IL7: variants seen among roughly 807,000 people sequenced by gnomAD.
IL7 encodes interleukin-7.
IL7 carries 3 observed loss-of-function variants against 21.6 expected under a neutral mutation model. The observed-to-expected ratio is 0.14, with a 90% CI of 0.06 to 0.36. The LOEUF (loss-of-function observed/expected upper bound fraction) is 0.36. Among genes scored for constraint, IL7 ranks in the 10% least tolerant of loss-of-function variants. The pLI is 1.00. For missense variants in IL7, 175 were observed against 200.2 expected, an observed-to-expected ratio of 0.87 and a Z score of 0.76; for synonymous variants, 62 against 68.1, an observed-to-expected ratio of 0.91 and a Z score of 0.44.
At chr8:78,779,866 G>A (rs970610290) in intron 2 of IL7, among the ~76,000 whole-genome samples, 4 of 151,898 alleles carry the variant, frequency 2.6e-5, no homozygotes, top group East Asian at 1.9e-4. Flanking sequence ...CTGTCTGGTC[G>A]CGGGTTTTCT....
At chr8:78,750,391 T>C (rs1309355970) in intron 2 of IL7, among the ~76,000 whole-genome samples, 3 of 151,614 alleles carry the variant, frequency 2.0e-5, no homozygotes, top group Non-Finnish European at 4.4e-5. Context: ...CTCAGAACAT[T>C]ATAATCAGCT....
chr8:78,730,539 C>T (rs1026767141), downstream of IL7, among the ~76,000 whole-genome samples: 1 of 151,874 alleles, frequency 6.6e-6, no homozygotes, highest in African/African-American at 2.4e-5. Flanking sequence ...TTTGAGTACA[C>T]AAAGTTGGGC....
chr8:78,785,316 T>C (rs1282567253), intron 2 of IL7, among the ~76,000 whole-genome samples: 1 of 152,216 alleles, frequency 6.6e-6, no homozygotes, highest in Admixed American at 6.5e-5. Context: ...CAATTATTCA[T>C]AAAATGGATC....
chr8:78,740,058 T>G lies in IL7; in HGVS notation c.172A>C (p.Asn58His), dbSNP rs1203931873. Residue 58 changes from asparagine to histidine, a missense_variant, in exon 3 of 6, where the codon AAT (asparagine) becomes CAT (histidine). Physicochemically the swap from Asn to His is moderately conservative, Grantham distance 68. Transcript: ENST00000263851. Reference protein sequence around the residue: ...LLDSMKEIGSNCLNNEFNFFK... With the variant: ...LLDSMKEIGSHCLNNEFNFFK... ...AAGTTAAATTCATTATTCAGGCAAT[T>G]GCTACCAATTTCTTTCATGCTGTCC... 4 of 1,532,300 alleles carry G rather than the reference T, an allele frequency of 2.6e-6. No homozygotes were observed. In the African/African-American group the frequency reaches 5.7e-5, roughly 22 times the overall value. 94.9% of individuals were successfully genotyped at this position (1,532,300 alleles called of 1,614,324 possible).
chr8:78,756,061 C>CT (rs1301646471), intron 2 of IL7, among the ~76,000 whole-genome samples: 3 of 151,806 alleles, frequency 2.0e-5, no homozygotes, highest in African/African-American at 7.2e-5. Context: ...ATATCAAATG[C>CT]TTTTTTTCTG....
intron 3 of IL7, 54 bp from the exon 4 acceptor site, chr8:78,738,689 T>A (rs1465535521): frequency 1.4e-5 from 22 of 1,549,138 alleles, no homozygotes. Context: ...ATTAAGAAAT[T>A]ATAAGCTTTC....
chr8:78,755,694 C>A (rs192578423), intron 2 of IL7, among the ~76,000 whole-genome samples: 1 of 152,140 alleles, frequency 6.6e-6, no homozygotes, highest in African/African-American at 2.4e-5. Flanking sequence ...TATCTGGCAA[C>A]TTTACTGAAT....
At chr8:78,734,744 TCTCTC>T (rs1187129342) in intron 5 of IL7, among the ~76,000 whole-genome samples, 1 of 152,190 alleles carries the variant, frequency 6.6e-6, no homozygotes, top group Non-Finnish European at 1.5e-5. Context: ...TATTGGGTAT[TCTCTC>T]AGTCATATAT....
At chr8:78,750,038 A>G (rs1812113374) in intron 2 of IL7, among the ~76,000 whole-genome samples, 1 of 152,150 alleles carries the variant, frequency 6.6e-6, no homozygotes, top group Non-Finnish European at 1.5e-5. Flanking sequence ...GTCTCAAAAA[A>G]AAAATACTAA....
At chr8:78,751,109 T>TA (rs1486329333) in intron 2 of IL7, among the ~76,000 whole-genome samples, 1 of 139,380 alleles carries the variant, frequency 7.2e-6, no homozygotes, top group African/African-American at 2.7e-5. Flanking sequence ...AAAAAACTGA[T>TA]AAAAAAGAAC....
intron 2 of IL7, among the ~76,000 whole-genome samples, chr8:78,752,249 T>C (rs1474233903): frequency 6.6e-6 from 1 of 152,208 alleles, no homozygotes; most frequent in African/African-American, 2.4e-5. Flanking sequence ...GTTACAGGTG[T>C]CCCTTTAATA....
At chr8:78,738,475 T>G in intron 4 of IL7, 29 bp downstream of exon 4, 1 of 1,588,336 alleles carries the variant, frequency 6.3e-7, no homozygotes, top group South Asian at 1.1e-5. Flanking sequence ...TTTAATATTT[T>G]TATTCAAAGT....
chr8:78,761,737 A>G, intron 2 of IL7: 2 of 1,611,982 alleles, frequency 1.2e-6, no homozygotes, highest in Middle Eastern at 2.3e-4. Context: ...GTGTTTTTGA[A>G]CAAAACAACG....
chr8:78,760,627 T>C lies in IL7; in HGVS notation c.148-20545A>G, dbSNP rs564231038. The C allele has an allele frequency of 7.6e-6, 12 of 1,576,268 alleles. No homozygotes were observed. The South Asian group carries it at 1.4e-4, about 18-fold the overall frequency. On this transcript the variant is annotated intron_variant, in intron 2 of 5. Coordinates refer to ENST00000263851, the MANE Select transcript of IL7 (RefSeq NM_000880.4). ...GTACCAGAGATAAGCATTTAAGAGC[T>C]TTGAGGTGCTGTTCTGAGAATATAT...
chr8:78,744,773 A>G (rs1408616096), intron 2 of IL7, among the ~76,000 whole-genome samples: 17 of 152,166 alleles, frequency 1.1e-4, no homozygotes, highest in Non-Finnish European at 1.5e-4. Context: ...AGACTCCCGT[A>G]TCTCTGTGTA....
In IL7 at chr8:78,733,821, T is replaced by C. The variant is rs1811489221; in HGVS notation, c.426A>G (p.Lys142=). 6.4e-7 allele frequency: 1 copy of C among 1,551,330 alleles called. No homozygotes were observed. Among genetic ancestry groups the C allele is most frequent in the Non-Finnish European group, 8.7e-7 (1 of 1,146,848 alleles). ...TCAGTTTTTTCTGTTCCTTTAAAGA[T>C]TTATTTTCTTCCTAGAGAATAGAGT... is the stretch of plus-strand genomic sequence containing the variant. The part of the protein sequence containing the change: ...AQPTKSLEEN[K]SLKEQKKLND... The change falls in exon 6 of 6, where the codon AAA becomes AAG. Residue 142 remains lysine (K), a synonymous_variant. Transcript: ENST00000263851.
chr8:78,681,742 T>C (rs887722009), intron 4 of IL7, among the ~76,000 whole-genome samples: 1 of 152,116 alleles, frequency 6.6e-6, no homozygotes. Context: ...TTTGTTCTGG[T>C]ATCTGTTTTG....
intron 2 of IL7, among the ~76,000 whole-genome samples, chr8:78,744,437 C>T (rs1381169083): frequency 6.6e-6 from 1 of 152,116 alleles, no homozygotes; most frequent in African/African-American, 2.4e-5. Context: ...TCAAAGTCTG[C>T]AGGCTGAAAA....
intron 4 of IL7, among the ~76,000 whole-genome samples, chr8:78,677,737 G>T (rs1809629030): frequency 1.3e-5 from 2 of 152,074 alleles, no homozygotes; most frequent in African/African-American, 4.8e-5. Context: ...CAGAAAAAGG[G>T]TCCCAATCCA....
Sources: allele counts gnomAD v4.1 joint callset (sites outside exome capture counted in the v4.1 genomes callset), GRCh38; gene constraint gnomAD v4.1.1; transcripts MANE v1.5; gene names NCBI Gene and HGNC (gene_info 2026-07-23, HGNC 2026-07-21).